Variants in ULK4 observed in about 807,000 individuals in gnomAD.
ULK4 encodes inactive serine/threonine-protein kinase ULK4.
Under a neutral mutation model 160.6 loss-of-function variants are expected in ULK4, and 133 were observed. The ratio of observed to expected loss-of-function variants is 0.83; its 90% confidence interval spans 0.72 to 0.96. The LOEUF (loss-of-function observed/expected upper bound fraction) is 0.96. Among genes scored for constraint, ULK4 ranks in the 40% least tolerant of loss-of-function variants. The pLI, the probability that ULK4 is intolerant of heterozygous loss-of-function variation, is 0.00. For synonymous variants in ULK4, 534 were observed against 539.8 expected (o/e 0.99, Z 0.15); for missense variants, 1,580 against 1,499.5 (o/e 1.05, Z -0.89).
intron 34 of ULK4, among the ~76,000 whole-genome samples, chr3:41,451,812 G>A (rs929690615): frequency 1.3e-5 from 2 of 152,012 alleles, no homozygotes; most frequent in South Asian, 2.1e-4. Context: ...TCAAATGGTC[G>A]GATATTGGCA....
chr3:41,813,474 C>G (rs1235690588), intron 19 of ULK4, among the ~76,000 whole-genome samples: 1 of 151,920 alleles, frequency 6.6e-6, no homozygotes, highest in African/African-American at 2.4e-5. Context: ...GCTCTTTGTT[C>G]TTCTTTTTGA....
chr3:41,959,250 A>T (rs1700587183), intron 1 of ULK4, among the ~76,000 whole-genome samples: 1 of 151,948 alleles, frequency 6.6e-6, no homozygotes, highest in Admixed American at 6.6e-5. Flanking sequence ...CTGTAGTCCC[A>T]CCTACTCGGG....
chr3:41,729,411 C>T (rs1055676571), intron 22 of ULK4, among the ~76,000 whole-genome samples: 6 of 152,194 alleles, frequency 3.9e-5, no homozygotes, highest in Admixed American at 3.9e-4. Context: ...ACATTGTGTC[C>T]TATTTTCCCC....
intron 19 of ULK4, among the ~76,000 whole-genome samples, chr3:41,818,113 C>CAAA (rs35468475): frequency 1.4e-3 from 139 of 99,170 alleles, no homozygotes; most frequent in African/African-American, 4.1e-3. Context: ...GGAGTTTCCT[C>CAAA]AAAAAAAAAA....
intron 31 of ULK4, among the ~76,000 whole-genome samples, chr3:41,605,561 C>T (rs2032338796): frequency 6.6e-6 from 1 of 151,792 alleles, no homozygotes; most frequent in South Asian, 2.1e-4. Context: ...ACATAAAATC[C>T]TAAATTTAAT....
intron 32 of ULK4, among the ~76,000 whole-genome samples, chr3:41,539,130 A>G (rs1268459219): frequency 1.3e-5 from 2 of 150,692 alleles, no homozygotes; most frequent in African/African-American, 4.9e-5. Context: ...TGACATATTT[A>G]TAGAAACAAA....
chr3:41,589,430 C>CA (rs34913730), intron 31 of ULK4, among the ~76,000 whole-genome samples: 9,897 of 71,686 alleles, frequency 0.14, 961 homozygotes, highest in East Asian at 0.48. Flanking sequence ...AAGGCCAGGC[C>CA]AAAAAAAAAA....
intron 34 of ULK4, among the ~76,000 whole-genome samples, chr3:41,407,971 T>C (rs886670003): frequency 6.6e-6 from 1 of 151,988 alleles, no homozygotes; most frequent in African/African-American, 2.4e-5. Flanking sequence ...TTAGTACAAA[T>C]AAACAAGTTC....
intron 34 of ULK4, among the ~76,000 whole-genome samples, chr3:41,439,447 G>A (rs1232787069): frequency 6.6e-6 from 1 of 152,096 alleles, no homozygotes; most frequent in African/African-American, 2.4e-5. Flanking sequence ...TGACCACTAG[G>A]TGAATTCACC....
At chr3:41,294,165 C>G (rs565786553) in intron 35 of ULK4, among the ~76,000 whole-genome samples, 5 of 152,290 alleles carry the variant, frequency 3.3e-5, no homozygotes, top group African/African-American at 1.2e-4. Context: ...ATGTTTAGGT[C>G]ATGAGGGCTT....
At chr3:41,773,306 G>C (rs1370194393) in intron 21 of ULK4, among the ~76,000 whole-genome samples, 1 of 152,182 alleles carries the variant, frequency 6.6e-6, no homozygotes, top group African/African-American at 2.4e-5. Context: ...TGACTTGACT[G>C]TATATCTAGA....
chr3:41,295,757 A>G (rs73083818), intron 35 of ULK4, among the ~76,000 whole-genome samples: 3,719 of 82,642 alleles, frequency 0.045, 271 homozygotes, highest in South Asian at 0.073. Context: ...GAATGGCCCA[A>G]ATCTGGAATA....
chr3:41,948,320 G>A (rs1346469457), intron 2 of ULK4, among the ~76,000 whole-genome samples: 1 of 152,046 alleles, frequency 6.6e-6, no homozygotes, highest in Non-Finnish European at 1.5e-5. Context: ...GCATGGTAAT[G>A]TGCACCTGTA....
chr3:41,412,079 C>T (rs2125828210), intron 34 of ULK4, among the ~76,000 whole-genome samples: 1 of 152,210 alleles, frequency 6.6e-6, no homozygotes, highest in African/African-American at 2.4e-5. Context: ...GTACTGGAGT[C>T]CACGAGTGAG....
chr3:41,594,741 T>C lies in ULK4; in HGVS notation c.3120+20928A>G, dbSNP rs146746856. Among the ~76,000 whole-genome samples, 417 of 152,174 alleles carry C rather than the reference T, an allele frequency of 2.7e-3. 2 individuals carry two copies. The highest frequency in any genetic ancestry group is 9.2e-3 in the African/African-American group (381 of 41,512). On this transcript the variant is annotated intron_variant, in intron 31 of 36. Transcript: ENST00000301831. ...AAGAGGAATATATAATTTCCATTTG[T>C]AAGAAAATCAAATCTAGCAAATCTA... is the stretch of plus-strand genomic sequence containing the variant.
At chr3:41,646,433 A>C (rs7432457) in intron 30 of ULK4, among the ~76,000 whole-genome samples, 9,263 of 152,180 alleles carry the variant, frequency 0.061, 430 homozygotes, top group African/African-American at 0.13. Flanking sequence ...AAAGTGTTTT[A>C]TTTCTCCTTC....
intron 32 of ULK4, among the ~76,000 whole-genome samples, chr3:41,470,304 AAG>A (rs1238839512): frequency 1.3e-5 from 2 of 152,210 alleles, no homozygotes; most frequent in Non-Finnish European, 2.9e-5. Flanking sequence ...CCTGCAGGGC[AAG>A]AGAGAGTGGG....
chr3:41,854,753 C>CA (rs984917940), intron 17 of ULK4: 36 of 152,050 alleles, frequency 2.4e-4, no homozygotes, highest in African/African-American at 8.0e-4. Context: ...GCCATAGTTC[C>CA]AAAACACTTT....
At chr3:41,442,097 G>T (rs1208841001) in intron 34 of ULK4, among the ~76,000 whole-genome samples, 2 of 152,120 alleles carry the variant, frequency 1.3e-5, no homozygotes, top group Middle Eastern at 3.2e-3. Context: ...ATATAGTTGG[G>T]TCTTGCTTTC....
Sources: allele counts gnomAD v4.1 joint callset (sites outside exome capture counted in the v4.1 genomes callset), GRCh38; gene constraint gnomAD v4.1.1; transcripts MANE v1.5; gene names NCBI Gene and HGNC (gene_info 2026-07-23, HGNC 2026-07-21).